Variants in ADAMTS9 observed in about 807,000 individuals in gnomAD.
The protein encoded by ADAMTS9 is ADAM metallopeptidase with thrombospondin type 1 motif 9, also known as A disintegrin and metalloproteinase with thrombospondin motifs 9.
A neutral mutation model predicts 257.1 loss-of-function variants in ADAMTS9; 107 were observed. The ratio of observed to expected loss-of-function variants is 0.42; its 90% CI spans 0.36 to 0.49. The LOEUF is 0.49. ADAMTS9 is among the 20% of genes least tolerant of loss of function. ADAMTS9 has a pLI of 0.03. For missense variants in ADAMTS9, 2,353 were observed against 2,469.1 expected, an observed-to-expected ratio of 0.95 and a Z score of 1.00; for synonymous variants, 982 against 880.9, an observed-to-expected ratio of 1.11 and a Z score of -2.03.
intron 31 of ADAMTS9, among the ~76,000 whole-genome samples, chr3:64,549,455 A>G (rs2083242863): frequency 6.6e-6 from 1 of 152,160 alleles, no homozygotes; most frequent in South Asian, 2.1e-4. Context: ...CCTATGCCTC[A>G]AACCCAATAT....
At chr3:64,542,165 T>C (rs778765100) in intron 32 of ADAMTS9, among the ~76,000 whole-genome samples, 195 bp from the exon 33 acceptor site, 2 of 152,156 alleles carry the variant, frequency 1.3e-5, no homozygotes, top group Non-Finnish European at 2.9e-5. Context: ...TATAGATTCA[T>C]GTTCATGCAT....
In ADAMTS9 at chr3:64,550,873, A is replaced by G; in HGVS notation, c.4869+19T>C. 6.2e-7 allele frequency: 1 copy of G among 1,613,418 alleles called. No homozygotes were observed. Among genetic ancestry groups the G allele is most frequent in the Non-Finnish European group, 8.5e-7 (1 of 1,179,468 alleles). ...GGCCATGGCTGAGCTGACGATGGTT[A>G]CAGTTCCCAGGACGGTACCTCTGAC... On this transcript the variant is annotated intron_variant, in intron 31 of 39. Coordinates refer to ENST00000498707, the MANE Select transcript of ADAMTS9 (RefSeq NM_182920.2).
At chr3:64,540,484 G>T (rs1043388646) in intron 36 of ADAMTS9, among the ~76,000 whole-genome samples, 2 of 152,148 alleles carry the variant, frequency 1.3e-5, no homozygotes, top group Non-Finnish European at 2.9e-5. Flanking sequence ...GTAATTCTGT[G>T]TTCCATTTTT....
chr3:64,536,909 G>C (rs577307800), intron 37 of ADAMTS9, among the ~76,000 whole-genome samples: 2 of 152,306 alleles, frequency 1.3e-5, no homozygotes, highest in South Asian at 4.1e-4. Flanking sequence ...AGCAATAGTG[G>C]TCAATGAGGT....
At chr3:64,577,832 C>A (rs562315163) in intron 28 of ADAMTS9, among the ~76,000 whole-genome samples, 1 of 152,282 alleles carries the variant, frequency 6.6e-6, no homozygotes, top group Admixed American at 6.5e-5. Context: ...ATCTTGTTCT[C>A]TTCCCAAAGA....
At chr3:64,528,999 C>T (rs2082945003) in intron 38 of ADAMTS9, among the ~76,000 whole-genome samples, 1 of 152,154 alleles carries the variant, frequency 6.6e-6, no homozygotes, top group Non-Finnish European at 1.5e-5. Context: ...TGACGGTTTT[C>T]ACTGTGGCAC....
At chr3:64,624,440 G>C (rs11713155) in intron 16 of ADAMTS9, among the ~76,000 whole-genome samples, 31,290 of 152,012 alleles carry the variant, frequency 0.21, 3,900 homozygotes, top group Non-Finnish European at 0.27. Flanking sequence ...TTAAATATAT[G>C]CAATTTTTAT....
intron 11 of ADAMTS9, among the ~76,000 whole-genome samples, chr3:64,643,497 G>A (rs1165979330): frequency 2.3e-5 from 3 of 128,298 alleles, no homozygotes; most frequent in Non-Finnish European, 3.1e-5. Context: ...CTCTCACCCA[G>A]GCTGGAGTGC....
intron 37 of ADAMTS9, among the ~76,000 whole-genome samples, chr3:64,538,005 C>A (rs2083071502): frequency 6.6e-6 from 1 of 152,208 alleles, no homozygotes; most frequent in African/African-American, 2.4e-5. Flanking sequence ...AAGATTGCTG[C>A]TGAGTGGCTC....
In ADAMTS9 at chr3:64,600,716, G is replaced by C. The variant is rs759996340; in HGVS notation, c.4017+1228C>G. Among the ~76,000 whole-genome samples, 31 of 152,174 alleles carry C rather than the reference G, an allele frequency of 2.0e-4. 1 individual carries two copies. Among genetic ancestry groups the C allele is most frequent in the Admixed American group, 2.0e-3 (31 of 15,278 alleles). ...GCCCAAAAGTGGAAAGCAAGAGAGGGGGATGGGATAGCGAGGGTCTTGGGC... is the reference window on the plus strand; with the variant it reads ...GCCCAAAAGTGGAAAGCAAGAGAGGCGGATGGGATAGCGAGGGTCTTGGGC... On this transcript the variant is annotated intron_variant, in intron 26 of 39. Coordinates refer to ENST00000498707, the MANE Select transcript of ADAMTS9 (RefSeq NM_182920.2).
chr3:64,608,611 G>A (rs900133435), intron 22 of ADAMTS9, among the ~76,000 whole-genome samples: 4 of 151,678 alleles, frequency 2.6e-5, no homozygotes, highest in East Asian at 1.9e-4. Context: ...AAATATGAAC[G>A]GACATATAAG....
chr3:64,573,231 C>T (rs1048091545), intron 28 of ADAMTS9, among the ~76,000 whole-genome samples: 14 of 152,206 alleles, frequency 9.2e-5, no homozygotes, highest in African/African-American at 3.4e-4. Context: ...GGGGGACAGC[C>T]CTAGCACAGT....
In ADAMTS9 at chr3:64,687,888, G is replaced by A. The variant is rs551913105; in HGVS notation, c.-231C>T. On this transcript the variant is annotated 5_prime_UTR_variant, in exon 1 of 40. Transcript: ENST00000498707. The surrounding 1 kb of genome is among the most constrained non-coding windows in gnomAD (Gnocchi z 4.4). ...GCCGCTCGGGCCGCAGGAGGAGCCGGAGGAGCAGGAGGAGGAGGAGGACTG... is the reference window on the plus strand; with the variant it reads ...GCCGCTCGGGCCGCAGGAGGAGCCGAAGGAGCAGGAGGAGGAGGAGGACTG... 123 of 403,604 alleles carry A rather than the reference G, an allele frequency of 3.0e-4. 5 individuals carry two copies. In the South Asian group the frequency reaches 6.1e-3, roughly 20 times the overall value. The allele number at this position is 403,604 out of a possible 1,614,324, so 25.0% of individuals were successfully genotyped here.
chr3:64,541,754 T>C, intron 33 of ADAMTS9, 84 bp downstream of exon 33: 1 of 1,584,588 alleles, frequency 6.3e-7, no homozygotes, highest in Non-Finnish European at 8.6e-7. Context: ...AAATTCTATA[T>C]TTCTAAAAAG....
chr3:64,550,923 T>C lies in ADAMTS9; in HGVS notation c.4838A>G (p.Glu1613Gly). The change falls in exon 31 of 40, where the codon GAG becomes GGG. Residue 1613 changes from glutamate (E) to glycine (G), a missense_variant. Transcript: ENST00000498707. ...CCATTCTCCTGTGATCCAGACATAC[T>C]CGCAGGGTTGCAAACTACAGCTTTC... Reference protein sequence around the residue: ...DRESCSLQPCEYVWITGEWSE... With the variant: ...DRESCSLQPCGYVWITGEWSE... The C allele has an allele frequency of 3.1e-6, 5 of 1,614,154 alleles. No homozygotes were observed. The highest frequency in any genetic ancestry group is 4.2e-6 in the Non-Finnish European group (5 of 1,180,012).
At chr3:64,626,031 A>G (rs1481551824) in intron 16 of ADAMTS9, among the ~76,000 whole-genome samples, 4 of 152,110 alleles carry the variant, frequency 2.6e-5, no homozygotes, top group African/African-American at 9.7e-5. Context: ...CCCATTTTCT[A>G]TTTGTATCAC....
chr3:64,556,707 A>T (rs1312132740), intron 30 of ADAMTS9, among the ~76,000 whole-genome samples: 1 of 108,160 alleles, frequency 9.2e-6, no homozygotes, highest in Non-Finnish European at 2.2e-5. Context: ...GCACTGTTCT[A>T]TGTTTTTTTC....
At chr3:64,598,068 T>C (rs2084395652) in intron 26 of ADAMTS9, among the ~76,000 whole-genome samples, 1 of 152,206 alleles carries the variant, frequency 6.6e-6, no homozygotes, top group Non-Finnish European at 1.5e-5. Flanking sequence ...AAGATGTGAA[T>C]ACATTTTGTT....
At chr3:64,541,277 G>T (rs2083118593) in intron 35 of ADAMTS9, 43 bp downstream of exon 35, 1 of 1,613,756 alleles carries the variant, frequency 6.2e-7, no homozygotes, top group Admixed American at 1.7e-5. Context: ...GCATTTCCAG[G>T]GATCTCCAGG....
Sources: gnomAD v4.1 joint callset for allele counts (sites outside exome capture counted in the v4.1 genomes callset) on GRCh38, gnomAD v4.1.1 for gene constraint, Gnocchi (gnomAD v3.1) non-coding constraint, MANE v1.5 for transcripts, NCBI Gene and HGNC (gene_info 2026-07-23, HGNC 2026-07-21) for gene names.